BAG2: variants seen among roughly 807,000 people sequenced by gnomAD.
BAG2 encodes the protein BAG family molecular chaperone regulator 2.
In BAG2, 8 loss-of-function variants were observed where a neutral mutation model predicts 16.4. The observed-to-expected ratio is 0.49, with a 90% CI of 0.29 to 0.88. BAG2 has a LOEUF of 0.88. BAG2 is among the 40% of genes least tolerant of loss of function. The probability of loss-of-function intolerance (pLI) is 0.09; values close to 1 mark genes in which losing one functional copy is unlikely to be tolerated. For missense variants in BAG2, 218 were observed against 248.9 expected (o/e 0.88, Z 0.84); for synonymous variants, 82 against 89.2 (o/e 0.92, Z 0.46).
intron 1 of BAG2, 43 bp downstream of exon 1, chr6:57,172,853 C>T (rs1431151772): frequency 3.6e-6 from 5 of 1,405,162 alleles, no homozygotes; most frequent in Admixed American, 3.1e-5. Context: ...GCTCGCCGCG[C>T]GGGCGGTTCG....
intron 1 of BAG2, among the ~76,000 whole-genome samples, chr6:57,181,779 A>G (rs1764457063): frequency 6.6e-6 from 1 of 152,214 alleles, no homozygotes; most frequent in African/African-American, 2.4e-5. Context: ...AAAATATACA[A>G]ATAATACAGA....
Position 57,177,772 on chromosome 6 carries a change from A to T in BAG2, c.114-4260A>T, listed in dbSNP as rs562531194. Among the ~76,000 whole-genome samples the T allele has an allele frequency of 2.0e-5, 3 of 152,240 alleles. No homozygotes were observed. In the South Asian group the frequency reaches 6.2e-4, roughly 32 times the overall value. On this transcript the variant is annotated intron_variant, in intron 1 of 2. Coordinates refer to ENST00000370693, the MANE Select transcript of BAG2 (RefSeq NM_004282.4). ...TAGTGGCAGTGCTGGCGCAGTTTTCACTGCATACTCTATTAGCTGACATAT... is the reference window on the plus strand; with the variant it reads ...TAGTGGCAGTGCTGGCGCAGTTTTCTCTGCATACTCTATTAGCTGACATAT...
chr6:57,181,456 C>T (rs1312638264), intron 1 of BAG2, among the ~76,000 whole-genome samples: 2 of 152,164 alleles, frequency 1.3e-5, no homozygotes, highest in African/African-American at 4.8e-5. Context: ...CTTTGGGAGG[C>T]TGCGGTGGGC....
rs182142512 is a variant in BAG2 at position 57,189,260 on chromosome 6, T to C, written c.*5070T>C. 3.9e-5 allele frequency: 6 copies of C among 152,298 alleles called. No individual in the cohort carries two copies. The highest frequency in any genetic ancestry group is 2.1e-4 in the South Asian group (1 of 4,824). 9.4% of individuals were successfully genotyped at this position (152,298 alleles called of 1,614,324 possible). A position where few individuals can be genotyped will look rare whatever the true frequency, so the allele number is the denominator to read the frequency against. On this transcript the variant is annotated 3_prime_UTR_variant, in exon 3 of 3. Coordinates refer to ENST00000370693, the MANE Select transcript of BAG2 (RefSeq NM_004282.4). The stretch of plus-strand genomic sequence containing the variant: ...AGAAAGTGCTATACAAACAAGGTTA[T>C]AGAAATGTTGAAGTGATTGATAATC...
intron 2 of BAG2, among the ~76,000 whole-genome samples, chr6:57,182,603 G>A (rs1764496240): frequency 6.6e-6 from 1 of 151,330 alleles, no homozygotes; most frequent in African/African-American, 2.4e-5. Context: ...AGAAAATGAG[G>A]AAACTTGTAG....
intron 1 of BAG2, 42 bp downstream of exon 1, chr6:57,172,852 G>A: frequency 2.1e-6 from 3 of 1,413,918 alleles, no homozygotes; most frequent in East Asian, 6.0e-5. Context: ...TGCTCGCCGC[G>A]CGGGCGGTTC....
rs768077901 is a variant in BAG2 at position 57,188,267 on chromosome 6, A to G, written c.*4077A>G. On this transcript the variant is annotated 3_prime_UTR_variant, in exon 3 of 3. Coordinates refer to ENST00000370693, the MANE Select transcript of BAG2 (RefSeq NM_004282.4). ...CATGGCTGACTTTCAGGCCTACTTA[A>G]TTATTTTAAATGACTAATTATGGTT... 7 of 152,144 alleles carry G rather than the reference A, an allele frequency of 4.6e-5. No homozygotes were observed. The highest frequency in any genetic ancestry group is 8.8e-5 in the Non-Finnish European group (6 of 67,982). 9.4% of individuals were successfully genotyped at this position (152,144 alleles called of 1,614,324 possible).
rs1764208391 is a variant in BAG2, at chr6:57,174,061, G to A, written c.113+1251G>A. On this transcript the variant is annotated intron_variant, in intron 1 of 2. Transcript: ENST00000370693. ...GGTTCCACTCAGAATGAGGCAAGTG[G>A]AAGAGAGAAGTAATGCTTCCTCATG... The A allele has an allele frequency of 1.4e-5, 5 of 345,282 alleles. No homozygotes were observed. The South Asian group carries it at 3.6e-4, about 25-fold the overall frequency. 21.4% of individuals were successfully genotyped at this position (345,282 alleles called of 1,614,324 possible). A position where few individuals can be genotyped will look rare whatever the true frequency, so the allele number is the denominator to read the frequency against.
In BAG2 at chr6:57,186,182, G is replaced by C. The variant is rs1371854653; in HGVS notation, c.*1992G>C. ...CTGACAAGTAGAAGACATATCCACT[G>C]TAGCAAGGAACACTATGGAGTATAT... On this transcript the variant is annotated 3_prime_UTR_variant, in exon 3 of 3. Coordinates refer to ENST00000370693, the MANE Select transcript of BAG2 (RefSeq NM_004282.4). 6.6e-6 allele frequency: 1 copy of C among 152,102 alleles called. No individual in the cohort carries two copies. The highest frequency in any genetic ancestry group is 2.4e-5 in the African/African-American group (1 of 41,402). The allele number at this position is 152,102 out of a possible 1,614,324, so 9.4% of individuals were successfully genotyped here. A position where few individuals can be genotyped will look rare whatever the true frequency, so the allele number is the denominator to read the frequency against.
chr6:57,180,356 C>G (rs1156695619), intron 1 of BAG2, among the ~76,000 whole-genome samples: 1 of 151,884 alleles, frequency 6.6e-6, no homozygotes, highest in Non-Finnish European at 1.5e-5. Context: ...AAGTAAAAGT[C>G]CATAAATAGC....
intron 2 of BAG2, among the ~76,000 whole-genome samples, chr6:57,182,711 C>T (rs1208410166): frequency 1.3e-5 from 2 of 151,948 alleles, no homozygotes; most frequent in East Asian, 1.9e-4. Context: ...AGTGCAATGG[C>T]GCGATCTTGG....
chr6:57,175,143 T>TTTGACGATCAGTTC (rs1764240909), intron 1 of BAG2, among the ~76,000 whole-genome samples: 1 of 152,262 alleles, frequency 6.6e-6, no homozygotes, highest in Middle Eastern at 3.2e-3. Flanking sequence ...TTTTCTCCGT[T>TTTGACGATCAGTTC]TTGACGATCA....
At chr6:57,179,587 C>T (rs1434190515) in intron 1 of BAG2, among the ~76,000 whole-genome samples, 2 of 152,174 alleles carry the variant, frequency 1.3e-5, no homozygotes, top group Admixed American at 1.3e-4. Flanking sequence ...CTTTCATGAA[C>T]TTGTATTTCT....
At position 57,184,237 on chromosome 6, in the gene BAG2, A is replaced by G. The variant is rs1446510760; in HGVS notation, c.*47A>G. The G allele has an allele frequency of 1.4e-6, 2 of 1,415,784 alleles. No homozygotes were observed. The highest frequency in any genetic ancestry group is 2.5e-5 in the East Asian group (1 of 40,518). The allele number at this position is 1,415,784 out of a possible 1,614,324, so 87.7% of individuals were successfully genotyped here. A position where few individuals can be genotyped will look rare whatever the true frequency, so the allele number is the denominator to read the frequency against. On this transcript the variant is annotated 3_prime_UTR_variant, in exon 3 of 3. Coordinates refer to ENST00000370693, the MANE Select transcript of BAG2 (RefSeq NM_004282.4). ...ACACAATACACAAGGTGTAAAAATG[A>G]TAAAATACTATTTTAATTGATAACT...
Position 57,184,180 on chromosome 6 carries a change from G to C in BAG2, c.626G>C (p.Arg209Thr). 6.5e-7 allele frequency: 1 copy of C among 1,540,256 alleles called. No individual in the cohort carries two copies. The highest frequency in any genetic ancestry group is 8.7e-7 in the Non-Finnish European group (1 of 1,152,802). The change falls in exon 3 of 3, where the codon AGA becomes ACA. Residue 209 changes from arginine (R) to threonine (T), a missense_variant. Arg to Thr is a moderately conservative substitution (Grantham distance 71). Around this residue, in one of 3 missense-constraint regions of BAG2, gnomAD observed 113 missense variants for 128.0 expected, o/e 0.88. Transcript: ENST00000370693. Reference sequence around the variant, plus strand: ...ACTCTGCAACAAAATGCTGAAAGCAGATTCAATTAGTCTTCAAACCTAAGA... The same window carrying C: ...ACTCTGCAACAAAATGCTGAAAGCACATTCAATTAGTCTTCAAACCTAAGA... ...SKTLQQNAES[R>T]FN
At chr6:57,180,222 C>T (rs974702628) in intron 1 of BAG2, among the ~76,000 whole-genome samples, 21 of 152,060 alleles carry the variant, frequency 1.4e-4, no homozygotes, top group Admixed American at 6.6e-5. Context: ...CTCTATAGAT[C>T]TGAATAAATG....
At chr6:57,183,474 T>G (rs1764530406) in intron 2 of BAG2, among the ~76,000 whole-genome samples, 1 of 152,222 alleles carries the variant, frequency 6.6e-6, no homozygotes, top group Non-Finnish European at 1.5e-5. Context: ...ATGTGCTTAC[T>G]GCTCACAGTG....
intron 1 of BAG2, among the ~76,000 whole-genome samples, chr6:57,179,456 A>G (rs1764376347): frequency 6.6e-6 from 1 of 152,188 alleles, no homozygotes; most frequent in African/African-American, 2.4e-5. Context: ...GGGTAACCGA[A>G]GGGGAAAAGG....
At chr6:57,181,608 G>A (rs565640581) in intron 1 of BAG2, among the ~76,000 whole-genome samples, 1 of 152,082 alleles carries the variant, frequency 6.6e-6, no homozygotes, top group Non-Finnish European at 1.5e-5. Context: ...GCTGAGGCAC[G>A]AGAATCACTT....
Sources: gnomAD v4.1 joint callset for allele counts (sites outside exome capture counted in the v4.1 genomes callset) on GRCh38, gnomAD v4.1.1 for gene constraint, gnomAD v4.1.1 regional missense constraint, MANE v1.5 for transcripts, NCBI Gene and HGNC (gene_info 2026-07-23, HGNC 2026-07-21) for gene names.